EFCAB11: variants seen among roughly 807,000 people sequenced by gnomAD.
The protein encoded by EFCAB11 is EF-hand calcium-binding domain-containing protein 11.
In EFCAB11, 14 loss-of-function variants were observed where a neutral mutation model predicts 23.0. The ratio of observed to expected loss-of-function variants is 0.61; its 90% confidence interval spans 0.40 to 0.95. The LOEUF is 0.95. EFCAB11 is among the 40% of genes least tolerant of loss of function. The pLI is 0.00. For synonymous variants in EFCAB11, 65 were observed against 66.6 expected (o/e 0.98, Z 0.11); for missense variants, 198 against 195.8 (o/e 1.01, Z -0.07).
At chr14:89,838,910 T>A (rs1048819540) in intron 5 of EFCAB11, among the ~76,000 whole-genome samples, 1 of 152,180 alleles carries the variant, frequency 6.6e-6, no homozygotes, top group African/African-American at 2.4e-5. Flanking sequence ...GCGGCTAAAG[T>A]AACACAGATA....
intron 5 of EFCAB11, among the ~76,000 whole-genome samples, chr14:89,865,530 T>A (rs1458982640): frequency 6.6e-6 from 1 of 151,978 alleles, no homozygotes; most frequent in East Asian, 1.9e-4. Flanking sequence ...ATTTTTGAGA[T>A]TGGGTCCAAT....
At chr14:89,842,942 A>G (rs1293683191) in intron 5 of EFCAB11, among the ~76,000 whole-genome samples, 1 of 152,132 alleles carries the variant, frequency 6.6e-6, no homozygotes, top group East Asian at 1.9e-4. Context: ...AGAGACACTA[A>G]TTCGTCCTGG....
intron 5 of EFCAB11, among the ~76,000 whole-genome samples, chr14:89,926,879 G>A (rs1050620783): frequency 6.6e-6 from 1 of 152,156 alleles, no homozygotes; most frequent in African/African-American, 2.4e-5. Flanking sequence ...CTGGAGGTGA[G>A]CTTTGAATTC....
intron 5 of EFCAB11, among the ~76,000 whole-genome samples, chr14:89,841,093 TTCC>T (rs1887247043): frequency 6.6e-6 from 1 of 152,156 alleles, no homozygotes; most frequent in African/African-American, 2.4e-5. Flanking sequence ...TCCTACTACT[TTCC>T]TCCTCCTGAA....
intron 5 of EFCAB11, among the ~76,000 whole-genome samples, chr14:89,915,488 G>T (rs1889811981): frequency 6.6e-6 from 1 of 152,178 alleles, no homozygotes; most frequent in African/African-American, 2.4e-5. Flanking sequence ...CTGCAAAGGT[G>T]CTCGGCTCTC....
intron 5 of EFCAB11, among the ~76,000 whole-genome samples, chr14:89,882,525 T>C (rs1888633217): frequency 6.6e-6 from 1 of 152,128 alleles, no homozygotes; most frequent in South Asian, 2.1e-4. Context: ...TTCTATGACT[T>C]CTCTCACTCT....
At chr14:89,822,121 C>A (rs1294385150) in intron 5 of EFCAB11, among the ~76,000 whole-genome samples, 1 of 152,076 alleles carries the variant, frequency 6.6e-6, no homozygotes, top group Non-Finnish European at 1.5e-5. Flanking sequence ...ATTGTTTACA[C>A]CGAATCTATT....
chr14:89,816,886 TG>T (rs1376201655), intron 5 of EFCAB11, among the ~76,000 whole-genome samples: 1 of 152,112 alleles, frequency 6.6e-6, no homozygotes, highest in Non-Finnish European at 1.5e-5. Context: ...ATAATAACAT[TG>T]CTTTTCAACA....
chr14:89,851,009 T>C (rs1887585609), intron 5 of EFCAB11, among the ~76,000 whole-genome samples: 1 of 152,220 alleles, frequency 6.6e-6, no homozygotes, highest in African/African-American at 2.4e-5. Context: ...GAATTCCAAT[T>C]TGTTGCTCAT....
intron 5 of EFCAB11, among the ~76,000 whole-genome samples, chr14:89,834,910 T>C (rs901739327): frequency 3.3e-5 from 5 of 151,938 alleles, no homozygotes; most frequent in Non-Finnish European, 4.4e-5. Flanking sequence ...GGCTGGGAGA[T>C]AGGAGAAATA....
At chr14:89,852,562 C>T (rs1038088080) in intron 5 of EFCAB11, among the ~76,000 whole-genome samples, 1 of 152,164 alleles carries the variant, frequency 6.6e-6, no homozygotes, top group African/African-American at 2.4e-5. Flanking sequence ...GCCCAAGACA[C>T]GTACACAACT....
At chr14:89,817,822 C>T (rs1360179329) in intron 5 of EFCAB11, among the ~76,000 whole-genome samples, 2 of 151,928 alleles carry the variant, frequency 1.3e-5, no homozygotes, top group Admixed American at 1.3e-4. Flanking sequence ...GGCGAAACCC[C>T]GTCTCTACTA....
intron 5 of EFCAB11, chr14:89,923,900 G>A (rs537161929): frequency 3.0e-6 from 3 of 985,412 alleles, no homozygotes; most frequent in South Asian, 4.7e-5. Context: ...CAAAAGAGAC[G>A]CAAATGACTT....
At chr14:89,850,600 T>C (rs987935526) in intron 5 of EFCAB11, among the ~76,000 whole-genome samples, 20 of 152,200 alleles carry the variant, frequency 1.3e-4, no homozygotes, top group African/African-American at 4.8e-4. Context: ...GGAAACTCCT[T>C]TACATTTGTT....
intron 5 of EFCAB11, among the ~76,000 whole-genome samples, chr14:89,925,687 C>G (rs1255054949): frequency 3.4e-5 from 5 of 148,342 alleles, no homozygotes; most frequent in Non-Finnish European, 7.4e-5. Context: ...GCTCTGTCAC[C>G]CAGGCTGGAG....
chr14:89,878,046 C>T (rs1275686348), intron 5 of EFCAB11, among the ~76,000 whole-genome samples: 2 of 152,156 alleles, frequency 1.3e-5, no homozygotes, highest in African/African-American at 2.4e-5. Context: ...TCCAACGCTA[C>T]AGAACGTTGG....
At chr14:89,942,459 A>G (rs1566822289) in intron 3 of EFCAB11, among the ~76,000 whole-genome samples, 1 of 152,206 alleles carries the variant, frequency 6.6e-6, no homozygotes. Context: ...TCATTTTAAA[A>G]TAAGGACAGA....
At chr14:89,867,707 C>A (rs922313817) in intron 5 of EFCAB11, among the ~76,000 whole-genome samples, 1 of 152,210 alleles carries the variant, frequency 6.6e-6, no homozygotes, top group Non-Finnish European at 1.5e-5. Flanking sequence ...CAGTTATGCA[C>A]ATGTTAGTAT....
At chr14:89,935,144 C>T (rs1268921799) in intron 3 of EFCAB11, among the ~76,000 whole-genome samples, 1 of 152,020 alleles carries the variant, frequency 6.6e-6, no homozygotes, top group East Asian at 1.9e-4. Context: ...TTCTGTGACC[C>T]GACGGCCCTT....
Sources: allele counts gnomAD v4.1 joint callset (sites outside exome capture counted in the v4.1 genomes callset), GRCh38; gene constraint gnomAD v4.1.1; transcripts MANE v1.5; gene names NCBI Gene and HGNC (gene_info 2026-07-23, HGNC 2026-07-21).